Variants in PCM1 observed in about 807,000 individuals in gnomAD.
The protein encoded by PCM1 is pericentriolar material 1 protein.
PCM1 carries 157 observed loss-of-function variants against 241.9 expected under a neutral mutation model. The ratio of observed to expected loss-of-function variants is 0.65; its 90% CI spans 0.57 to 0.74. PCM1 has a LOEUF of 0.74. Among genes scored for constraint, PCM1 ranks in the 30% least tolerant of loss-of-function variants. The probability of loss-of-function intolerance (pLI) is 0.00; values close to 1 mark genes in which losing one functional copy is unlikely to be tolerated. For missense variants in PCM1, 3,478 were observed against 2,360.1 expected, an observed-to-expected ratio of 1.47 and a Z score of -9.81; for synonymous variants, 1,085 against 784.9, an observed-to-expected ratio of 1.38 and a Z score of -6.39.
intron 30 of PCM1, 148 bp from the exon 31 acceptor site, chr8:18,009,399 T>C (rs2129485056): frequency 1.7e-6 from 1 of 605,488 alleles, no homozygotes; most frequent in East Asian, 2.8e-5. Context: ...CACTTAGTAA[T>C]ATAGCAGTAT....
In PCM1 at chr8:17,950,756, A is replaced by T. The variant is rs759375122; in HGVS notation, c.1071+32A>T. 3 of 1,137,402 alleles carry T rather than the reference A, an allele frequency of 2.6e-6. No homozygotes were observed. The African/African-American group carries it at 4.6e-5, about 17-fold the overall frequency. 70.5% of individuals were successfully genotyped at this position (1,137,402 alleles called of 1,614,324 possible). A position where few individuals can be genotyped will look rare whatever the true frequency, so the allele number is the denominator to read the frequency against. On this transcript the variant is annotated intron_variant, in intron 8 of 38. Transcript: ENST00000325083. ...TAGATGTTTTAGTATAGTTGAGTTTAAAAAATCACATTAATTAGAACAGTG... is the reference window on the plus strand; with the variant it reads ...TAGATGTTTTAGTATAGTTGAGTTTTAAAAATCACATTAATTAGAACAGTG...
At chr8:17,968,607 A>G (rs1319960501) in intron 21 of PCM1, among the ~76,000 whole-genome samples, 1 of 151,960 alleles carries the variant, frequency 6.6e-6, no homozygotes, top group African/African-American at 2.4e-5. Context: ...AGGAGGAGAA[A>G]AAAGGTTGAG....
chr8:17,947,049 T>G, intron 6 of PCM1, 137 bp from the exon 7 acceptor site: 1 of 524,004 alleles, frequency 1.9e-6, no homozygotes, highest in Non-Finnish European at 3.4e-6. Flanking sequence ...CTCTTTTTTC[T>G]TGATGTCTAC....
rs765328410 is a variant in PCM1 at position 17,960,045 on chromosome 8, C to T, written c.2072C>T (p.Ala691Val). 3.1e-6 allele frequency: 5 copies of T among 1,612,518 alleles called. No individual in the cohort carries two copies. Among genetic ancestry groups the T allele is most frequent in the Non-Finnish European group, 3.4e-6 (4 of 1,179,240 alleles). The change falls in exon 14 of 39, where the codon GCC (alanine) becomes GTC (valine). Residue 691 changes from alanine to valine, a missense_variant. Physicochemically the swap from Ala to Val is moderately conservative, Grantham distance 64. Coordinates refer to ENST00000325083, the MANE Select transcript of PCM1 (RefSeq NM_006197.4). ...GATGCAGCTCAAGGAGTTATCTCTG[C>T]CAGTGCATCAAATTTGGATGATTTC... ...DDDAAQGVIS[A>V]SASNLDDFYP...
At chr8:17,979,066 ATGAGCCAAGACTGTGTCACTGTACT>A (rs1205508301) in intron 23 of PCM1, among the ~76,000 whole-genome samples, 2 of 151,778 alleles carry the variant, frequency 1.3e-5, no homozygotes, top group Non-Finnish European at 2.9e-5. Flanking sequence ...GGAGTTTGCA[ATGAGCCAAGACTGTGTCACTGTACT>A]TGAGCCTGGG....
chr8:17,925,413 T>C (rs1186241983), intron 2 of PCM1: 1 of 152,168 alleles, frequency 6.6e-6, no homozygotes, highest in Non-Finnish European at 1.5e-5. Context: ...TTTGGAAAAA[T>C]GGCTAAAAGA....
At chr8:17,961,557 C>T (rs1003565997) in intron 15 of PCM1, among the ~76,000 whole-genome samples, 3 of 152,090 alleles carry the variant, frequency 2.0e-5, no homozygotes, top group Admixed American at 6.5e-5. Context: ...GTGATCCGCC[C>T]GCCTCGGCCT....
chr8:17,966,193 G>T lies in PCM1; in HGVS notation c.3050G>T (p.Cys1017Phe). The change falls in exon 19 of 39, where the codon TGT becomes TTT. Residue 1017 changes from cysteine (C) to phenylalanine (F), a missense_variant. Coordinates refer to ENST00000325083, the MANE Select transcript of PCM1 (RefSeq NM_006197.4). ...KKQLDFSVSI[C>F]QTLMQDQQTL... ...CAGCTTGATTTTAGTGTCAGTATTT[G>T]TCAGACTTTGATGCAAGACCAGCAG... is the stretch of plus-strand genomic sequence containing the variant. 1.9e-6 allele frequency: 3 copies of T among 1,613,738 alleles called. No individual in the cohort carries two copies. Among genetic ancestry groups the T allele is most frequent in the Non-Finnish European group, 2.5e-6 (3 of 1,179,740 alleles).
In PCM1 at chr8:17,940,158, G is replaced by A. The variant is rs567914745; in HGVS notation, c.783+297G>A. ...TGCAGTCTGAGGCTTCAGATACCAC[G>A]GTAAGCGGCTTTTTGGTAATTAAAG... On this transcript the variant is annotated intron_variant, in intron 6 of 38. Coordinates refer to ENST00000325083, the MANE Select transcript of PCM1 (RefSeq NM_006197.4). 5.2e-4 allele frequency: 771 copies of A among 1,482,394 alleles called. 12 individuals are homozygous for A. The South Asian group carries it at 8.6e-3, about 16-fold the overall frequency. The allele number at this position is 1,482,394 out of a possible 1,614,324, so 91.8% of individuals were successfully genotyped here. A position where few individuals can be genotyped will look rare whatever the true frequency, so the allele number is the denominator to read the frequency against.
chr8:18,017,001 T>C (rs1223794057), intron 36 of PCM1, among the ~76,000 whole-genome samples: 3 of 152,220 alleles, frequency 2.0e-5, no homozygotes, highest in African/African-American at 7.2e-5. Context: ...GGCTTCCTGA[T>C]TTCTGTCAGT....
intron 18 of PCM1, 145 bp downstream of exon 18, chr8:17,964,913 A>AAAAATTGAATTGAGTTGTAG: frequency 1.6e-6 from 1 of 622,842 alleles, no homozygotes; most frequent in Non-Finnish European, 2.8e-6. Flanking sequence ...GAGTTAGTGC[A>AAAAATTGAATTGAGTTGTAG]GACCCCTCAA....
intron 30 of PCM1, among the ~76,000 whole-genome samples, chr8:18,007,744 A>G (rs1339016560): frequency 1.3e-5 from 2 of 152,094 alleles, no homozygotes; most frequent in Non-Finnish European, 2.9e-5. Flanking sequence ...CATCTTCTAC[A>G]TTTTTCCTTC....
Position 17,966,470 on chromosome 8 carries a change from A to AT in PCM1, c.3218_3219insT (p.Gln1073HisfsTer9), listed in dbSNP as rs2074929792. 1 of 1,613,374 alleles carries AT rather than the reference A, an allele frequency of 6.2e-7. No homozygotes were observed. Among genetic ancestry groups the AT allele is most frequent in the Non-Finnish European group, 8.5e-7 (1 of 1,179,580 alleles). On this transcript the variant is annotated frameshift_variant, in exon 20 of 39. Coordinates refer to ENST00000325083, the MANE Select transcript of PCM1 (RefSeq NM_006197.4). LOFTEE classifies it high-confidence loss of function. ...CTAACATGGCAACAGAATAATGTTC[A>AT]GAGGTAATCTGTTTCTTAGAAGTAT...
At chr8:17,981,711 T>A (rs536943487) in intron 24 of PCM1, among the ~76,000 whole-genome samples, 12 of 152,342 alleles carry the variant, frequency 7.9e-5, no homozygotes, top group African/African-American at 2.9e-4. Flanking sequence ...TTGAGCCTCA[T>A]AATGCTGAGT....
At chr8:17,928,344 T>C (rs2057803449) in intron 2 of PCM1, among the ~76,000 whole-genome samples, 1 of 152,218 alleles carries the variant, frequency 6.6e-6, no homozygotes, top group African/African-American at 2.4e-5. Flanking sequence ...CTACGCTCTC[T>C]CAGACACTGC....
intron 14 of PCM1, 40 bp downstream of exon 14, chr8:17,960,205 T>C (rs1288616787): frequency 6.5e-7 from 1 of 1,547,226 alleles, no homozygotes; most frequent in Non-Finnish European, 8.7e-7. Context: ...ATAATAAAAA[T>C]TTAGTGCCTG....
chr8:17,957,471 G>C (rs755796611), intron 12 of PCM1, 50 bp downstream of exon 12: 17 of 1,605,372 alleles, frequency 1.1e-5, no homozygotes, highest in East Asian at 2.2e-5. Flanking sequence ...TTCTTACAAA[G>C]TGGGTTTTCG....
chr8:17,946,538 C>G (rs1263135039), intron 6 of PCM1, among the ~76,000 whole-genome samples: 2 of 151,628 alleles, frequency 1.3e-5, no homozygotes, highest in Admixed American at 6.6e-5. Context: ...GCTCTGTCAC[C>G]CAGGCTGGAG....
intron 3 of PCM1, among the ~76,000 whole-genome samples, chr8:17,936,757 A>AT (rs2060551851): frequency 6.6e-6 from 1 of 152,122 alleles, no homozygotes; most frequent in Non-Finnish European, 1.5e-5. Flanking sequence ...TCTCTTTTTG[A>AT]TACGTACTGA....
Sources: gnomAD v4.1 joint callset for allele counts (sites outside exome capture counted in the v4.1 genomes callset) on GRCh38, gnomAD v4.1.1 for gene constraint, MANE v1.5 for transcripts, NCBI Gene and HGNC (gene_info 2026-07-23, HGNC 2026-07-21) for gene names.